Variants in RARA observed in about 807,000 individuals in gnomAD.
RARA encodes the protein retinoic acid receptor alpha.
Under a neutral mutation model 42.8 loss-of-function variants are expected in RARA, and 5 were observed. The ratio of observed to expected loss-of-function variants is 0.12; its 90% CI spans 0.06 to 0.25. The LOEUF (loss-of-function observed/expected upper bound fraction) is 0.25, where lower values mean the gene tolerates loss of function less well. RARA is among the 10% of genes least tolerant of loss of function. RARA has a pLI of 1.00. For missense variants in RARA, 402 were observed against 628.7 expected, an observed-to-expected ratio of 0.64 and a Z score of 3.86; for synonymous variants, 256 against 259.5, an observed-to-expected ratio of 0.99 and a Z score of 0.13.
rs564258589 is a variant in RARA, at chr17:40,352,824, C to G, written c.807+317C>G. 1.3e-3 allele frequency among the ~76,000 whole-genome samples: 192 copies of G among 152,254 alleles called. No homozygotes were observed. The highest frequency in any genetic ancestry group is 0.01 in the Middle Eastern group (3 of 294). ...GTGCAGTGGCTCATACCTGTAATCC[C>G]AGCACTTTGGGAGGCCGAGCGAGGC... is the stretch of plus-strand genomic sequence containing the variant. On this transcript the variant is annotated intron_variant, in intron 6 of 8. Coordinates refer to ENST00000254066, the MANE Select transcript of RARA (RefSeq NM_000964.4). The surrounding 1 kb of genome is among the most constrained non-coding windows in gnomAD (Gnocchi z 4.9).
At chr17:40,311,802 A>G (rs1192628463) in intron 1 of RARA, among the ~76,000 whole-genome samples, 2 of 152,032 alleles carry the variant, frequency 1.3e-5, no homozygotes, top group Non-Finnish European at 2.9e-5. Flanking sequence ...GGTGTCAGGA[A>G]TCCCAGGTGG....
rs1208772402 is a variant in RARA, at chr17:40,355,244, G to A, written c.1013-19G>A. 1.2e-5 allele frequency: 19 copies of A among 1,553,370 alleles called. No individual in the cohort carries two copies. The highest frequency in any genetic ancestry group is 1.9e-5 in the Admixed American group (1 of 51,452). On this transcript the variant is annotated intron_variant, in intron 7 of 8. Transcript: ENST00000254066. This position sits in a 1 kb window ranked among gnomAD's most constrained non-coding sequence, Gnocchi z 4.1. The stretch of plus-strand genomic sequence containing the variant: ...CAGCTGTGTTCCCAGCTGCTCAGGG[G>A]GTGGTTCTGCTTCCTCAGACCGCCA...
At chr17:40,342,909 G>A (rs1423596262) in intron 2 of RARA, 1 of 1,580,294 alleles carries the variant, frequency 6.3e-7, no homozygotes, top group Non-Finnish European at 8.6e-7. Context: ...GGGGGTGGGA[G>A]TGGGCGGTAG....
At chr17:40,338,124 C>A (rs557172574) in intron 2 of RARA, among the ~76,000 whole-genome samples, 6 of 152,242 alleles carry the variant, frequency 3.9e-5, no homozygotes, top group Non-Finnish European at 7.4e-5. Context: ...GGGAAGGAAG[C>A]CCGTCTTCCT....
chr17:40,338,132 C>T (rs535519000), intron 2 of RARA, among the ~76,000 whole-genome samples: 3 of 152,342 alleles, frequency 2.0e-5, no homozygotes, highest in Admixed American at 6.5e-5. Context: ...AGCCCGTCTT[C>T]CTTTTAGGTG....
intron 1 of RARA, among the ~76,000 whole-genome samples, chr17:40,318,938 G>A (rs925273033): frequency 9.9e-5 from 15 of 152,210 alleles, no homozygotes; most frequent in African/African-American, 3.1e-4. Flanking sequence ...CGGTTCAGCT[G>A]GTGTCCCCCG....
At chr17:40,331,565 A>G (rs117494298) in intron 2 of RARA, among the ~76,000 whole-genome samples, 169 bp downstream of exon 2, 2,295 of 152,228 alleles carry the variant, frequency 0.015, 30 homozygotes, top group Non-Finnish European at 0.023. Flanking sequence ...TGAAAGCCCT[A>G]TGGCCTATAG....
intron 1 of RARA, among the ~76,000 whole-genome samples, chr17:40,329,740 C>T (rs1156987890): frequency 6.6e-6 from 1 of 152,218 alleles, no homozygotes; most frequent in Non-Finnish European, 1.5e-5. Flanking sequence ...AGGCGTGAGC[C>T]ACCGCCCCCA....
rs1430985774 is a variant in RARA at position 40,351,482 on chromosome 17, C to T, written c.470-428C>T. On this transcript the variant is annotated intron_variant, in intron 4 of 8. Transcript: ENST00000254066. The surrounding 1 kb of genome is among the most constrained non-coding windows in gnomAD (Gnocchi z 4.1). ...CTCCCCACTTGCCCCAGGAGCTGCT[C>T]AGAGCCAGTCCCAAGGGACCCCCAG... 4.2e-6 allele frequency: 2 copies of T among 473,946 alleles called. No individual in the cohort carries two copies. The highest frequency in any genetic ancestry group is 4.4e-6 in the Non-Finnish European group (1 of 229,246). The allele number at this position is 473,946 out of a possible 1,614,324, so 29.4% of individuals were successfully genotyped here.
Position 40,357,571 on chromosome 17 carries a change from C to T in RARA, c.*1345C>T, listed in dbSNP as rs1356945117. ...GGTTGGGGCCCCTTCCCCTGGAGCC[C>T]GTGGGTGCACCTGTTACTGTTGGGC... On this transcript the variant is annotated 3_prime_UTR_variant, in exon 9 of 9. Transcript: ENST00000254066. 2.2e-5 allele frequency: 5 copies of T among 232,346 alleles called. No individual in the cohort carries two copies. Among genetic ancestry groups the T allele is most frequent in the Admixed American group, 5.6e-5 (1 of 17,752 alleles). 14.4% of individuals were successfully genotyped at this position (232,346 alleles called of 1,614,324 possible).
intron 1 of RARA, among the ~76,000 whole-genome samples, chr17:40,321,391 A>G (rs1330684734): frequency 6.6e-6 from 1 of 151,690 alleles, no homozygotes; most frequent in African/African-American, 2.4e-5. Context: ...TCTCCCCACA[A>G]CTGGAGCCTC....
At position 40,351,826 on chromosome 17, in the gene RARA, G is replaced by C; in HGVS notation, c.470-84G>C. On this transcript the variant is annotated intron_variant, in intron 4 of 8. Coordinates refer to ENST00000254066, the MANE Select transcript of RARA (RefSeq NM_000964.4). The surrounding 1 kb of genome is among the most constrained non-coding windows in gnomAD (Gnocchi z 4.1). ...ACAAGCCTGGGTGACCTCCTCAGCAGCTGGCAGCTCTCTGTCAGGCTGGGG... is the reference window on the plus strand; with the variant it reads ...ACAAGCCTGGGTGACCTCCTCAGCACCTGGCAGCTCTCTGTCAGGCTGGGG... The C allele has an allele frequency of 6.5e-7, 1 of 1,532,150 alleles. No individual in the cohort carries two copies. The highest frequency in any genetic ancestry group is 8.8e-7 in the Non-Finnish European group (1 of 1,142,512). 94.9% of individuals were successfully genotyped at this position (1,532,150 alleles called of 1,614,324 possible).
At chr17:40,329,876 G>T (rs891622884) in intron 1 of RARA, among the ~76,000 whole-genome samples, 3 of 152,126 alleles carry the variant, frequency 2.0e-5, no homozygotes, top group African/African-American at 7.2e-5. Context: ...ACCCAAAATG[G>T]ATTTGAAACA....
chr17:40,342,866 C>T (rs771933711), intron 2 of RARA: 5 of 1,610,810 alleles, frequency 3.1e-6, no homozygotes, highest in Admixed American at 1.7e-5. Flanking sequence ...GCTCAAACCA[C>T]TGTACGTACC....
intron 2 of RARA, among the ~76,000 whole-genome samples, chr17:40,343,987 C>T (rs564911490): frequency 2.6e-5 from 4 of 152,156 alleles, no homozygotes; most frequent in African/African-American, 7.2e-5. Context: ...AGGTTTCTTC[C>T]CCTCCTGGGC....
At chr17:40,317,630 C>T (rs1273293484) in intron 1 of RARA, among the ~76,000 whole-genome samples, 2 of 151,694 alleles carry the variant, frequency 1.3e-5, no homozygotes, top group African/African-American at 4.8e-5. Flanking sequence ...GTTCCTAGGA[C>T]CCACTGGAGC....
chr17:40,323,951 T>A (rs540310092), intron 1 of RARA, among the ~76,000 whole-genome samples: 2 of 152,122 alleles, frequency 1.3e-5, no homozygotes, highest in African/African-American at 4.8e-5. Context: ...GAATATGGCA[T>A]ACGCAGGGTT....
At chr17:40,347,504 G>T (rs2034306355) in intron 2 of RARA, among the ~76,000 whole-genome samples, 1 of 152,170 alleles carries the variant, frequency 6.6e-6, no homozygotes, top group Non-Finnish European at 1.5e-5. Context: ...ACCCCTCCTG[G>T]CTGCCCTCTT....
At chr17:40,330,249 C>T (rs1239668942) in intron 1 of RARA, among the ~76,000 whole-genome samples, 1 of 152,120 alleles carries the variant, frequency 6.6e-6, no homozygotes, top group Admixed American at 6.5e-5. Context: ...ACCCCTGGAC[C>T]ATCCATGCTG....
Sources: allele counts gnomAD v4.1 joint callset (sites outside exome capture counted in the v4.1 genomes callset), GRCh38; gene constraint gnomAD v4.1.1; non-coding constraint Gnocchi (gnomAD v3.1); transcripts MANE v1.5; gene names NCBI Gene and HGNC (gene_info 2026-07-23, HGNC 2026-07-21).